LRRTM4: variants seen among roughly 807,000 people sequenced by gnomAD.
The protein encoded by LRRTM4 is leucine rich repeat transmembrane neuronal 4.
A neutral mutation model predicts 47.6 loss-of-function variants in LRRTM4; 25 were observed. The ratio of observed to expected loss-of-function variants is 0.53; its 90% CI spans 0.38 to 0.73. The LOEUF is 0.73. Among genes scored for constraint, LRRTM4 ranks in the 30% least tolerant of loss-of-function variants. LRRTM4 has a pLI of 0.00. For missense variants in LRRTM4, 638 were observed against 713.4 expected, an observed-to-expected ratio of 0.89 and a Z score of 1.20; for synonymous variants, 311 against 269.5, an observed-to-expected ratio of 1.15 and a Z score of -1.51.
At chr2:77,032,764 T>A (rs1678707895) in intron 3 of LRRTM4, among the ~76,000 whole-genome samples, 1 of 152,128 alleles carries the variant, frequency 6.6e-6, no homozygotes, top group African/African-American at 2.4e-5. Context: ...TTAGGCTTTT[T>A]CTGATTTATA....
At chr2:77,482,817 T>C (rs1228158573) in intron 3 of LRRTM4, among the ~76,000 whole-genome samples, 1 of 152,030 alleles carries the variant, frequency 6.6e-6, no homozygotes, top group African/African-American at 2.4e-5. Flanking sequence ...ATCTTTTAAA[T>C]CTTATCTATT....
chr2:76,772,892 CTA>C (rs1673773327), intron 3 of LRRTM4: 1 of 152,080 alleles, frequency 6.6e-6, no homozygotes, highest in Admixed American at 6.6e-5. Context: ...GAAAAACATA[CTA>C]TATATAGAGT....
intron 3 of LRRTM4, among the ~76,000 whole-genome samples, chr2:77,392,651 C>T (rs1419919813): frequency 6.6e-6 from 1 of 151,852 alleles, no homozygotes; most frequent in Non-Finnish European, 1.5e-5. Flanking sequence ...ATCTCACTTA[C>T]AAGTGGAATG....
At chr2:77,465,330 C>T (rs558249355) in intron 3 of LRRTM4, among the ~76,000 whole-genome samples, 29 of 152,238 alleles carry the variant, frequency 1.9e-4, no homozygotes, top group Middle Eastern at 6.8e-3. Flanking sequence ...ATTCACAAAA[C>T]GAACATAATA....
intron 3 of LRRTM4, among the ~76,000 whole-genome samples, chr2:76,819,260 A>C (rs531462716): frequency 7.4e-4 from 112 of 151,860 alleles, no homozygotes; most frequent in African/African-American, 2.7e-3. Context: ...AAAATATATG[A>C]GACAGATGTT....
At chr2:77,133,874 T>C (rs1671865390) in intron 3 of LRRTM4, among the ~76,000 whole-genome samples, 1 of 152,206 alleles carries the variant, frequency 6.6e-6, no homozygotes, top group Admixed American at 6.5e-5. Context: ...CAAAAGTTTG[T>C]TCTATTGTGT....
chr2:76,832,268 G>A (rs1351544445), intron 3 of LRRTM4, among the ~76,000 whole-genome samples: 2 of 151,934 alleles, frequency 1.3e-5, no homozygotes, highest in South Asian at 2.1e-4. Flanking sequence ...TATCCTTAGC[G>A]AGCCTAGAAT....
At chr2:77,092,671 T>A (rs868620034) in intron 3 of LRRTM4, among the ~76,000 whole-genome samples, 20 of 144,320 alleles carry the variant, frequency 1.4e-4, no homozygotes, top group Middle Eastern at 6.9e-3. Context: ...TTTCACTGGA[T>A]AGGTACAGGC....
At chr2:77,294,378 C>G (rs1346198673) in intron 3 of LRRTM4, among the ~76,000 whole-genome samples, 1 of 151,882 alleles carries the variant, frequency 6.6e-6, no homozygotes, top group African/African-American at 2.4e-5. Flanking sequence ...TAGAATTTAC[C>G]TAATATTTAG....
intron 3 of LRRTM4, among the ~76,000 whole-genome samples, chr2:77,167,062 C>A (rs966117437): frequency 1.7e-4 from 26 of 152,174 alleles, no homozygotes; most frequent in Non-Finnish European, 2.8e-4. Flanking sequence ...ACGCATCTGA[C>A]AAAGGGCTAA....
chr2:77,478,166 T>C (rs1419750352), intron 3 of LRRTM4, among the ~76,000 whole-genome samples: 1 of 152,192 alleles, frequency 6.6e-6, no homozygotes, highest in Non-Finnish European at 1.5e-5. Flanking sequence ...CCCTCTATTT[T>C]CTATTAAATC....
intron 3 of LRRTM4, among the ~76,000 whole-genome samples, chr2:76,864,719 A>AT (rs1423184733): frequency 6.6e-6 from 1 of 151,084 alleles, no homozygotes; most frequent in African/African-American, 2.4e-5. Flanking sequence ...ATCCCATTCA[A>AT]TTTTTTCCCT....
intron 3 of LRRTM4, among the ~76,000 whole-genome samples, chr2:76,968,383 T>TATATATATATATATACAC (rs797010446): frequency 9.0e-6 from 1 of 111,428 alleles, no homozygotes; most frequent in Non-Finnish European, 1.8e-5. Flanking sequence ...TATATATATA[T>TATATATATATATATACAC]ACACATACAT....
intron 3 of LRRTM4, among the ~76,000 whole-genome samples, chr2:77,067,635 T>C (rs909597514): frequency 2.7e-5 from 4 of 150,852 alleles, no homozygotes; most frequent in Non-Finnish European, 4.4e-5. Context: ...AAGATACATA[T>C]TATGAAAAAC....
intron 3 of LRRTM4, among the ~76,000 whole-genome samples, chr2:77,245,179 T>C (rs1558650853): frequency 6.7e-6 from 1 of 150,082 alleles, no homozygotes; most frequent in Non-Finnish European, 1.5e-5. Context: ...AAGGCAATAA[T>C]CTACAAGGGC....
chr2:77,483,308 T>A (rs750907433), intron 3 of LRRTM4, among the ~76,000 whole-genome samples: 2 of 151,908 alleles, frequency 1.3e-5, no homozygotes, highest in Non-Finnish European at 2.9e-5. Flanking sequence ...GACAACCAAG[T>A]TTAGAACACA....
Position 77,225,188 on chromosome 2 carries a change from G to A in LRRTM4, c.1551+293130C>T, listed in dbSNP as rs1231546831. 2.4e-5 allele frequency among the ~76,000 whole-genome samples: 3 copies of A among 122,990 alleles called. No individual in the cohort carries two copies. The South Asian group carries it at 8.1e-4, about 33-fold the overall frequency. 80.7% of individuals were successfully genotyped at this position (122,990 alleles called of 152,430 possible). A position where few individuals can be genotyped will look rare whatever the true frequency, so the allele number is the denominator to read the frequency against. ...TAAGAACACATGGACACAGGAAGGG[G>A]AACATCACACACCGGGGACTGTTGT... On this transcript the variant is annotated intron_variant, in intron 3 of 3. Transcript: ENST00000409884.
chr2:76,764,254 C>CA (rs1198333137), intron 3 of LRRTM4, among the ~76,000 whole-genome samples: 2 of 151,720 alleles, frequency 1.3e-5, no homozygotes, highest in Admixed American at 1.3e-4. Flanking sequence ...ATGCATATTG[C>CA]AAAAAAGAAA....
At chr2:77,092,902 T>C (rs1280593479) in intron 3 of LRRTM4, among the ~76,000 whole-genome samples, 1 of 147,096 alleles carries the variant, frequency 6.8e-6, no homozygotes, top group Non-Finnish European at 1.5e-5. Context: ...TAAAGGTCTT[T>C]TAAAAACACA....
Sources: allele counts gnomAD v4.1 joint callset (sites outside exome capture counted in the v4.1 genomes callset), GRCh38; gene constraint gnomAD v4.1.1; transcripts MANE v1.5; gene names NCBI Gene and HGNC (gene_info 2026-07-23, HGNC 2026-07-21).